EPDR1: variants seen among roughly 807,000 people sequenced by gnomAD.
EPDR1 encodes the protein ependymin related 1, also known as mammalian ependymin-related protein 1.
Under a neutral mutation model 23.7 loss-of-function variants are expected in EPDR1, and 27 were observed. That is an observed-to-expected ratio of 1.14 (90% CI 0.84 to 1.57). The LOEUF is 1.57. Among genes scored for constraint, EPDR1 ranks in the 40% most tolerant of loss-of-function variants. The pLI is 0.00. For missense variants in EPDR1, 349 were observed against 290.4 expected (o/e 1.20, Z -1.47); for synonymous variants, 137 against 118.2 (o/e 1.16, Z -1.03).
intron 1 of EPDR1, among the ~76,000 whole-genome samples, chr7:37,938,148 GC>G (rs1786096783): frequency 6.6e-6 from 1 of 151,738 alleles, no homozygotes; most frequent in South Asian, 2.1e-4. Context: ...CAGCCACCAT[GC>G]CTGGCTAATT....
chr7:37,922,672 G>GGGT (rs1554372873), intron 1 of EPDR1, among the ~76,000 whole-genome samples: 4 of 151,104 alleles, frequency 2.6e-5, no homozygotes, highest in Non-Finnish European at 4.4e-5. Context: ...AGCTAGGGGG[G>GGGT]GGTTCTGACG....
intron 1 of EPDR1, 110 bp downstream of exon 1, chr7:37,921,318 C>T: frequency 5.6e-6 from 8 of 1,438,356 alleles, no homozygotes; most frequent in Non-Finnish European, 7.2e-6. Flanking sequence ...TGCAGCTCCT[C>T]CCTTCTCCCA....
chr7:37,947,053 G>T (rs1303964342), intron 1 of EPDR1, among the ~76,000 whole-genome samples: 1 of 152,156 alleles, frequency 6.6e-6, no homozygotes, highest in African/African-American at 2.4e-5. Flanking sequence ...GCCTACAGAA[G>T]TGTATAGAAA....
At chr7:37,926,816 G>C (rs926312598) in intron 1 of EPDR1, 16 of 407,396 alleles carry the variant, frequency 3.9e-5, no homozygotes, top group African/African-American at 3.1e-4. Flanking sequence ...AGTAAGATTT[G>C]GTAGGGAAAT....
At chr7:37,937,709 A>C (rs1229642302) in intron 1 of EPDR1, among the ~76,000 whole-genome samples, 3 of 152,206 alleles carry the variant, frequency 2.0e-5, no homozygotes, top group African/African-American at 4.8e-5. Context: ...AGATACTCAG[A>C]TTGTTCACCT....
chr7:37,924,494 T>C (rs1336642683), intron 1 of EPDR1, among the ~76,000 whole-genome samples: 2 of 152,212 alleles, frequency 1.3e-5, no homozygotes, highest in South Asian at 2.1e-4. Context: ...CATGACTCCA[T>C]GACTGACTAA....
At chr7:37,928,893 T>C (rs758317383) in intron 1 of EPDR1, among the ~76,000 whole-genome samples, 4 of 152,212 alleles carry the variant, frequency 2.6e-5, no homozygotes, top group Non-Finnish European at 4.4e-5. Context: ...TATGATAGCC[T>C]CCTAACAGTT....
chr7:37,926,500 A>G (rs567612975), intron 1 of EPDR1, among the ~76,000 whole-genome samples: 6 of 133,356 alleles, frequency 4.5e-5, no homozygotes, highest in African/African-American at 1.6e-4. Flanking sequence ...AAAAAAAAAG[A>G]TTTAAATGCA....
chr7:37,943,839 T>C lies in EPDR1; in HGVS notation c.270-5001T>C, dbSNP rs553295848. Among the ~76,000 whole-genome samples, 289 of 152,330 alleles carry C rather than the reference T, an allele frequency of 1.9e-3. 1 individual carries two copies. The highest frequency in any genetic ancestry group is 6.6e-3 in the African/African-American group (273 of 41,574). On this transcript the variant is annotated intron_variant, in intron 1 of 2. Transcript: ENST00000199448. ...CTAAAATTCTCATTTTAAAATTAAA[T>C]TTTACTTCTGTATGTGGGCAGAGCG...
chr7:37,933,967 T>G (rs1317935425), intron 1 of EPDR1, among the ~76,000 whole-genome samples: 2 of 150,752 alleles, frequency 1.3e-5, no homozygotes, highest in African/African-American at 4.9e-5. Flanking sequence ...ATCCACTTAT[T>G]CTGCCATTCT....
intron 1 of EPDR1, among the ~76,000 whole-genome samples, chr7:37,938,098 C>A (rs1290281331): frequency 6.8e-5 from 10 of 147,472 alleles, no homozygotes; most frequent in Non-Finnish European, 5.9e-5. Context: ...TCATGCCATT[C>A]TCTTGCCTCA....
intron 1 of EPDR1, among the ~76,000 whole-genome samples, chr7:37,948,417 C>T (rs1476705030): frequency 2.0e-5 from 3 of 151,214 alleles, no homozygotes; most frequent in African/African-American, 4.9e-5. Flanking sequence ...GATCATGGCT[C>T]ACTGAAGCTT....
At chr7:37,931,383 A>G (rs1336211126) in intron 1 of EPDR1, among the ~76,000 whole-genome samples, 6 of 152,058 alleles carry the variant, frequency 3.9e-5, no homozygotes, top group Non-Finnish European at 8.8e-5. Flanking sequence ...GCATGGTGGC[A>G]TGCGCCTGTA....
chr7:37,947,977 C>T (rs1323144271), intron 1 of EPDR1, among the ~76,000 whole-genome samples: 2 of 152,240 alleles, frequency 1.3e-5, no homozygotes, highest in African/African-American at 4.8e-5. Context: ...TCTTTGCTCT[C>T]ATCTCAGCCA....
chr7:37,946,535 T>C (rs527582500), intron 1 of EPDR1, among the ~76,000 whole-genome samples: 11 of 152,348 alleles, frequency 7.2e-5, no homozygotes, highest in African/African-American at 2.6e-4. Context: ...GTAATTACTA[T>C]ATTATACTTT....
At chr7:37,940,467 C>A (rs1786148579) in intron 1 of EPDR1, among the ~76,000 whole-genome samples, 1 of 152,112 alleles carries the variant, frequency 6.6e-6, no homozygotes, top group African/African-American at 2.4e-5. Context: ...ACCTAATGAT[C>A]TATCAATCTG....
intron 2 of EPDR1, among the ~76,000 whole-genome samples, chr7:37,949,615 A>ATC (rs927247906): frequency 2.7e-4 from 41 of 152,204 alleles, no homozygotes; most frequent in African/African-American, 9.9e-4. Flanking sequence ...CTGTATATAT[A>ATC]TATATGCCCC....
chr7:37,921,498 C>T, intron 1 of EPDR1: 1 of 1,337,924 alleles, frequency 7.5e-7, no homozygotes, highest in Non-Finnish European at 9.5e-7. Context: ...CAGAGTGCCC[C>T]ATGCCCAGGT....
intron 1 of EPDR1, 83 bp downstream of exon 1, chr7:37,921,291 A>C (rs1271991523): frequency 2.7e-6 from 4 of 1,480,194 alleles, no homozygotes; most frequent in Non-Finnish European, 3.5e-6. Context: ...TGCGCCCTGT[A>C]ACTCTTTCCG....
Sources: gnomAD v4.1 joint callset for allele counts (sites outside exome capture counted in the v4.1 genomes callset) on GRCh38, gnomAD v4.1.1 for gene constraint, MANE v1.5 for transcripts, NCBI Gene and HGNC (gene_info 2026-07-23, HGNC 2026-07-21) for gene names.